Variants in EPHB2 observed in about 807,000 individuals in gnomAD.
EPHB2 encodes ephrin type-B receptor 2.
EPHB2 carries 18 observed loss-of-function variants against 96.4 expected under a neutral mutation model. The observed-to-expected ratio is 0.19, with a 90% confidence interval of 0.13 to 0.28. The LOEUF (loss-of-function observed/expected upper bound fraction) is 0.28, where lower values mean the gene tolerates loss of function less well. Ranked by LOEUF, EPHB2 falls within the 10% of genes least tolerant of loss-of-function variation. EPHB2 has a pLI of 1.00. For synonymous variants in EPHB2, 506 were observed against 534.1 expected, an observed-to-expected ratio of 0.95 and a Z score of 0.72; for missense variants, 989 against 1,355.4, an observed-to-expected ratio of 0.73 and a Z score of 4.25.
chr1:22,771,950 C>T (rs974320843), intron 1 of EPHB2, among the ~76,000 whole-genome samples: 6 of 152,086 alleles, frequency 3.9e-5, no homozygotes, highest in African/African-American at 7.2e-5. Context: ...CAGTAGCAGG[C>T]GTCCCTCAGG....
chr1:22,882,509 C>T (rs1475440612), intron 6 of EPHB2, 26 bp downstream of exon 6: 2 of 1,612,556 alleles, frequency 1.2e-6, no homozygotes, highest in South Asian at 2.2e-5. Flanking sequence ...GTGCTGTCCC[C>T]ATCACCCACC....
chr1:22,735,577 G>A (rs1570174877), intron 1 of EPHB2, among the ~76,000 whole-genome samples: 1 of 152,214 alleles, frequency 6.6e-6, no homozygotes, highest in East Asian at 1.9e-4. Context: ...ACTGAGGACA[G>A]GGTTTCTAGC....
At position 22,913,636 on chromosome 1, in the gene EPHB2, C is replaced by T. The variant is rs779090712; in HGVS notation, c.*66C>T. 24 of 1,605,670 alleles carry T rather than the reference C, an allele frequency of 1.5e-5. No homozygotes were observed. Among genetic ancestry groups the T allele is most frequent in the Non-Finnish European group, 2.0e-5 (23 of 1,176,382 alleles). ...CCCCTCTGCCCCACGTGCCGGCCCT[C>T]CTGGTGCTCTATCCACTGCAGGGCC... On this transcript the variant is annotated 3_prime_UTR_variant, in exon 16 of 16. Transcript: ENST00000374630. The surrounding 1 kb of genome is among the most constrained non-coding windows in gnomAD (Gnocchi z 4.1).
chr1:22,794,819 C>A (rs1644744480), intron 3 of EPHB2, among the ~76,000 whole-genome samples: 1 of 152,200 alleles, frequency 6.6e-6, no homozygotes, highest in Non-Finnish European at 1.5e-5. Flanking sequence ...AGGCTGCCTC[C>A]AGATCACTCC....
intron 3 of EPHB2, among the ~76,000 whole-genome samples, chr1:22,800,980 C>T (rs553133326): frequency 5.3e-5 from 8 of 152,346 alleles, no homozygotes; most frequent in South Asian, 2.1e-4. Context: ...TCTCCTCCAC[C>T]GGTTGTGCCT....
intron 13 of EPHB2, among the ~76,000 whole-genome samples, chr1:22,909,690 G>C (rs979492385): frequency 1.3e-5 from 2 of 152,196 alleles, no homozygotes; most frequent in Non-Finnish European, 2.9e-5. Context: ...TGTGTGCAAA[G>C]GCTGGGGTTG....
chr1:22,762,775 TATC>T (rs1197200570), intron 1 of EPHB2, among the ~76,000 whole-genome samples: 1 of 152,140 alleles, frequency 6.6e-6, no homozygotes, highest in Non-Finnish European at 1.5e-5. Context: ...TCCATCTCAT[TATC>T]ATGATTTTCT....
chr1:22,711,371 C>A (rs1432340774), intron 1 of EPHB2, among the ~76,000 whole-genome samples: 1 of 148,510 alleles, frequency 6.7e-6, no homozygotes, highest in Non-Finnish European at 1.5e-5. Context: ...CGCCTCGCGC[C>A]GGCCTGGTCT....
At chr1:22,752,904 C>T in intron 1 of EPHB2, among the ~76,000 whole-genome samples, 1 of 151,974 alleles carries the variant, frequency 6.6e-6, no homozygotes, top group East Asian at 1.9e-4. Flanking sequence ...CTGCCTCAGC[C>T]TCCTGATTAG....
intron 3 of EPHB2, among the ~76,000 whole-genome samples, chr1:22,792,972 C>T (rs1017430171): frequency 2.0e-5 from 3 of 151,976 alleles, no homozygotes; most frequent in South Asian, 2.1e-4. Flanking sequence ...GGGGCCACTG[C>T]GGTGGAAGCT....
chr1:22,886,514 A>G (rs997946509), intron 6 of EPHB2, among the ~76,000 whole-genome samples: 25 of 152,100 alleles, frequency 1.6e-4, no homozygotes, highest in African/African-American at 6.0e-4. Context: ...ACATGGAGAC[A>G]CAGGGAGCGC....
chr1:22,807,004 C>T (rs1040138741), intron 3 of EPHB2, among the ~76,000 whole-genome samples: 3 of 152,124 alleles, frequency 2.0e-5, no homozygotes, highest in Non-Finnish European at 4.4e-5. Context: ...AGGATGGGAA[C>T]GCTTCCCAGC....
intron 1 of EPHB2, among the ~76,000 whole-genome samples, chr1:22,732,710 C>T (rs1276081371): frequency 6.6e-6 from 1 of 152,194 alleles, no homozygotes; most frequent in Admixed American, 6.5e-5. Context: ...GGTCCATTAA[C>T]AGCAGCTGAC....
At chr1:22,911,182 T>TAAATAAATAAATAAA (rs1322763874) in intron 14 of EPHB2, among the ~76,000 whole-genome samples, 148 of 84,612 alleles carry the variant, frequency 1.7e-3, no homozygotes, top group African/African-American at 4.7e-3. Flanking sequence ...AAATAAATAA[T>TAAATAAATAAATAAA]TACCAAAGGA....
rs953943673 is a variant in EPHB2 at position 22,785,224 on chromosome 1, C to G, written c.811+148C>G. The G allele has an allele frequency of 6.7e-5, 67 of 1,007,476 alleles. No homozygotes were observed. The African/African-American group carries it at 9.9e-4, about 15-fold the overall frequency. The allele number at this position is 1,007,476 out of a possible 1,614,324, so 62.4% of individuals were successfully genotyped here. ...CCAGGGTTTCCAAACCAGCAACCAT[C>G]GTTCAGCTTCTTAGAGGGAGGCACT... On this transcript the variant is annotated intron_variant, in intron 3 of 15. Transcript: ENST00000374630.
intron 9 of EPHB2, among the ~76,000 whole-genome samples, chr1:22,900,321 A>G (rs1639710574): frequency 6.6e-6 from 1 of 152,134 alleles, no homozygotes; most frequent in African/African-American, 2.4e-5. Context: ...AAGATTATAA[A>G]TTATGTCATC....
chr1:22,812,808 G>A (rs184729065), intron 3 of EPHB2, among the ~76,000 whole-genome samples: 11 of 152,324 alleles, frequency 7.2e-5, no homozygotes, highest in South Asian at 6.2e-4. Context: ...GAGCATTGCC[G>A]TCTTCAACCC....
At chr1:22,807,228 A>G (rs569386260) in intron 3 of EPHB2, among the ~76,000 whole-genome samples, 29 of 152,264 alleles carry the variant, frequency 1.9e-4, no homozygotes, top group African/African-American at 3.6e-4. Context: ...TGACTTGGGC[A>G]CTGTAGGGTG....
At chr1:22,900,647 G>A (rs531187495) in intron 9 of EPHB2, among the ~76,000 whole-genome samples, 7 of 152,254 alleles carry the variant, frequency 4.6e-5, no homozygotes, top group Middle Eastern at 3.4e-3. Context: ...TATGTGGTTT[G>A]TGAGTCAGTA....
Sources: allele counts gnomAD v4.1 joint callset (sites outside exome capture counted in the v4.1 genomes callset), GRCh38; gene constraint gnomAD v4.1.1; non-coding constraint Gnocchi (gnomAD v3.1); transcripts MANE v1.5; gene names NCBI Gene and HGNC (gene_info 2026-07-23, HGNC 2026-07-21).